Variants in NDRG4 observed in about 807,000 individuals in gnomAD.
NDRG4 encodes the protein protein NDRG4.
In NDRG4, 38 loss-of-function variants were observed where a neutral mutation model predicts 55.8. The ratio of observed to expected loss-of-function variants is 0.68; its 90% CI spans 0.53 to 0.89. NDRG4 has a LOEUF of 0.89. Among genes scored for constraint, NDRG4 ranks in the 40% least tolerant of loss-of-function variants. NDRG4 has a pLI of 0.00. For missense variants in NDRG4, 455 were observed against 468.6 expected (o/e 0.97, Z 0.27); for synonymous variants, 190 against 182.7 (o/e 1.04, Z -0.32).
intron 1 of NDRG4, chr16:58,501,167 G>T: frequency 1.2e-6 from 1 of 858,486 alleles, no homozygotes; most frequent in Non-Finnish European, 1.5e-6. Context: ...TGCCGGTTCC[G>T]CAGACGATAG....
At chr16:58,514,640 G>A (rs2039060156), downstream of NDRG4, among the ~76,000 whole-genome samples, 1 of 151,814 alleles carries the variant, frequency 6.6e-6, no homozygotes, top group South Asian at 2.1e-4. Flanking sequence ...TACTTGGGAG[G>A]CTGAGGCAGG....
In NDRG4 at chr16:58,464,374, GGCCGAGCGCGCTGCCC is replaced by G; in HGVS notation, c.-24+578_-24+593del. 7.4e-7 allele frequency: 1 copy of G among 1,356,624 alleles called. No individual in the cohort carries two copies. The highest frequency in any genetic ancestry group is 9.5e-7 in the Non-Finnish European group (1 of 1,057,834). The allele number at this position is 1,356,624 out of a possible 1,614,324, so 84.0% of individuals were successfully genotyped here. On this transcript the variant is annotated intron_variant, in intron 1 of 15. Coordinates refer to the NDRG4 transcript ENST00000258187. This position sits in a 1 kb window ranked among gnomAD's most constrained non-coding sequence, Gnocchi z 4.8. ...TCTCCCGCGCTCCTCTCCCCGGCTC[GGCCGAGCGCGCTGCCC>G]CGACGCCGCCACCCAGAGCCGGGCC...
At position 58,501,978 on chromosome 16, in the gene NDRG4, C is replaced by A. The variant is rs917002908; in HGVS notation, c.21+1709C>A. The A allele has an allele frequency of 1.0e-4, 47 of 455,782 alleles. No individual in the cohort carries two copies. The Admixed American group carries it at 1.1e-3, about 11-fold the overall frequency. 28.2% of individuals were successfully genotyped at this position (455,782 alleles called of 1,614,324 possible). On this transcript the variant is annotated intron_variant, in intron 1 of 14. Transcript: ENST00000570248. ...GCATTGCAGTTCTTTTGCAGCCCCA[C>A]CCTCCAGAGCTGAGAGAACTCACAG... is the stretch of plus-strand genomic sequence containing the variant.
chr16:58,500,975 C>G, intron 1 of NDRG4: 1 of 1,243,116 alleles, frequency 8.0e-7, no homozygotes, highest in South Asian at 3.7e-5. Flanking sequence ...TGCCTGCCTG[C>G]CTTATTTTGT....
intron 14 of NDRG4, chr16:58,511,169 G>T: frequency 1.9e-6 from 1 of 529,356 alleles, no homozygotes. Context: ...GGCACGGCTG[G>T]AAACCCAGCA....
At position 58,508,946 on chromosome 16, in the gene NDRG4, G is replaced by A. The variant is rs772379619; in HGVS notation, c.730-16G>A. 1 of 1,613,206 alleles carries A rather than the reference G, an allele frequency of 6.2e-7. No homozygotes were observed. Among genetic ancestry groups the A allele is most frequent in the Non-Finnish European group, 8.5e-7 (1 of 1,179,746 alleles). On this transcript the variant is annotated splice_polypyrimidine_tract_variant and intron_variant, in intron 10 of 14. Coordinates refer to ENST00000570248, the MANE Select transcript of NDRG4 (RefSeq NM_001242835.2). ...AGGGGCAGGGGCTGTTGCTGAAGCT[G>A]GCTCCTTGTCCTCAGGTGGAGTGCA...
chr16:58,506,291 G>T (rs773986050), intron 5 of NDRG4, 96 bp from the exon 6 acceptor site: 1 of 1,212,240 alleles, frequency 8.2e-7, no homozygotes, highest in Non-Finnish European at 1.2e-6. Context: ...CTGTAGCCGG[G>T]TGGCTGATCA....
chr16:58,489,019 C>G (rs2035462487), intron 2 of NDRG4, among the ~76,000 whole-genome samples: 3 of 152,148 alleles, frequency 2.0e-5, no homozygotes, highest in Admixed American at 2.0e-4. Context: ...AAGCCATGAG[C>G]TGGGCATGGT....
downstream of NDRG4, chr16:58,515,352 G>A: frequency 6.4e-6 from 4 of 626,964 alleles, no homozygotes; most frequent in Non-Finnish European, 1.0e-5. Flanking sequence ...CAGCGCGTGA[G>A]TGCAATTGGA....
At chr16:58,491,050 G>A (rs1463700735) in intron 2 of NDRG4, among the ~76,000 whole-genome samples, 1 of 152,082 alleles carries the variant, frequency 6.6e-6, no homozygotes, top group East Asian at 1.9e-4. Context: ...GCCGAGGCGA[G>A]CGGATCACTT....
chr16:58,502,034 C>T (rs1196185895), intron 1 of NDRG4: 2 of 455,838 alleles, frequency 4.4e-6, no homozygotes, highest in African/African-American at 2.0e-5. Context: ...TGGTCAGGAG[C>T]TCCCTCGGGT....
At chr16:58,482,182 T>C (rs1297913750) in intron 1 of NDRG4, among the ~76,000 whole-genome samples, 1 of 152,162 alleles carries the variant, frequency 6.6e-6, no homozygotes, top group Non-Finnish European at 1.5e-5. Context: ...ATGGCTCATT[T>C]CATTTGCCTG....
intron 2 of NDRG4, among the ~76,000 whole-genome samples, chr16:58,489,572 C>T (rs1314276998): frequency 6.6e-6 from 1 of 152,010 alleles, no homozygotes; most frequent in Non-Finnish European, 1.5e-5. Flanking sequence ...GAAACCCCAA[C>T]ATGCTCTGGC....
intron 2 of NDRG4, among the ~76,000 whole-genome samples, chr16:58,491,447 C>T (rs1477126656): frequency 9.2e-6 from 1 of 108,804 alleles, no homozygotes; most frequent in Non-Finnish European, 1.8e-5. Flanking sequence ...AAGCATCCAT[C>T]CTTTTCACTT....
intron 1 of NDRG4, among the ~76,000 whole-genome samples, chr16:58,482,466 G>A (rs923491211): frequency 1.3e-5 from 2 of 152,136 alleles, no homozygotes; most frequent in African/African-American, 4.8e-5. Flanking sequence ...CTGTGCAGCT[G>A]TGGGGGGTAG....
intron 1 of NDRG4, among the ~76,000 whole-genome samples, chr16:58,465,393 AG>A: frequency 6.6e-6 from 1 of 152,242 alleles, no homozygotes; most frequent in African/African-American, 2.4e-5. Context: ...AGTCGGGGGC[AG>A]CTTTTGAAGA....
rs150133207 is a variant in NDRG4, at chr16:58,493,639, C to T, written c.73-1325C>T. 3.8e-3 allele frequency among the ~76,000 whole-genome samples: 578 copies of T among 152,292 alleles called. 8 individuals are homozygous for T. Among genetic ancestry groups the T allele is most frequent in the African/African-American group, 0.012 (488 of 41,550 alleles). ...CAGTGCTGGGATACAAAGGGCAGAA[C>T]GATGGGCAACACTGAGCTTCTCCTC... On this transcript the variant is annotated intron_variant, in intron 2 of 15. Transcript: ENST00000258187.
intron 1 of NDRG4, among the ~76,000 whole-genome samples, chr16:58,468,206 C>T (rs2151547422): frequency 6.6e-6 from 1 of 152,326 alleles, no homozygotes; most frequent in East Asian, 1.9e-4. Flanking sequence ...GAAGAGGAGG[C>T]TGTTGGGGTC....
Position 58,507,037 on chromosome 16 carries a change from C to T in NDRG4, c.620+22C>T, listed in dbSNP as rs765955039. 3 of 1,595,358 alleles carry T rather than the reference C, an allele frequency of 1.9e-6. No homozygotes were observed. The Admixed American group carries it at 5.1e-5, about 27-fold the overall frequency. ...ACAGGTGCGGGTGGGATCAGCAGCC[C>T]TGGGACCCAGCACACCCCAGTGGGG... is the stretch of plus-strand genomic sequence containing the variant. On this transcript the variant is annotated intron_variant, in intron 8 of 14. Transcript: ENST00000570248.
Sources: gnomAD v4.1 joint callset for allele counts (sites outside exome capture counted in the v4.1 genomes callset) on GRCh38, gnomAD v4.1.1 for gene constraint, Gnocchi (gnomAD v3.1) non-coding constraint, MANE v1.5 for transcripts, NCBI Gene and HGNC (gene_info 2026-07-23, HGNC 2026-07-21) for gene names.